Variants in RNLS observed in about 807,000 individuals in gnomAD.
RNLS encodes the protein renalase, FAD dependent amine oxidase, also known as renalase.
RNLS carries 39 observed loss-of-function variants against 39.8 expected under a neutral mutation model. That is an observed-to-expected ratio of 0.98 (90% CI 0.76 to 1.28). The LOEUF is 1.28. RNLS is among the 50% of genes most tolerant of loss of function. RNLS has a pLI of 0.00. For missense variants in RNLS, 410 were observed against 413.3 expected (o/e 0.99, Z 0.07); for synonymous variants, 147 against 150.7 (o/e 0.98, Z 0.18).
chr10:88,236,231 C>T, the RNLS span, among the ~76,000 whole-genome samples: 1 of 152,186 alleles, frequency 6.6e-6, no homozygotes, highest in African/African-American at 2.4e-5. Flanking sequence ...GAGGTGGAGG[C>T]TTTGGCAGCC....
At chr10:88,485,981 T>C (rs1039099178) in intron 4 of RNLS, among the ~76,000 whole-genome samples, 2 of 151,988 alleles carry the variant, frequency 1.3e-5, no homozygotes, top group Admixed American at 1.3e-4. Flanking sequence ...TTGAACATCT[T>C]CAAAATTAAA....
chr10:88,237,737 A>AGC, the RNLS span, among the ~76,000 whole-genome samples: 2 of 152,206 alleles, frequency 1.3e-5, no homozygotes, highest in Non-Finnish European at 2.9e-5. Context: ...CCTATCAATG[A>AGC]ACAAATCTAT....
intron 4 of RNLS, among the ~76,000 whole-genome samples, chr10:88,472,179 CAGGGCTGGGAAG>C (rs889071571): frequency 6.6e-6 from 1 of 152,074 alleles, no homozygotes; most frequent in African/African-American, 2.4e-5. Context: ...CCTTCCTGCC[CAGGGCTGGGAAG>C]GGGATGGCAT....
At chr10:88,347,396 C>A (rs1422106312) in intron 5 of RNLS, among the ~76,000 whole-genome samples, 2 of 152,120 alleles carry the variant, frequency 1.3e-5, no homozygotes, top group Non-Finnish European at 1.5e-5. Flanking sequence ...ATTATGGAAA[C>A]AGCAAGCTGA....
chr10:88,297,839 G>T (rs576538487), intron 6 of RNLS, among the ~76,000 whole-genome samples: 13 of 152,192 alleles, frequency 8.5e-5, no homozygotes, highest in African/African-American at 3.1e-4. Context: ...CATTTCTTTT[G>T]ATTATACATC....
intron 4 of RNLS, among the ~76,000 whole-genome samples, chr10:88,370,045 G>T (rs768594878): frequency 3.3e-5 from 5 of 152,086 alleles, no homozygotes; most frequent in Non-Finnish European, 7.4e-5. Flanking sequence ...CTGGGACCCT[G>T]ACTGAAACAA....
At chr10:88,209,123 T>C in the RNLS span, among the ~76,000 whole-genome samples, 2 of 152,136 alleles carry the variant, frequency 1.3e-5, no homozygotes, top group East Asian at 3.9e-4. Context: ...TTATAAAACC[T>C]GCATTGGATT....
chr10:88,348,886 G>A (rs186709203), intron 5 of RNLS, among the ~76,000 whole-genome samples: 93 of 152,228 alleles, frequency 6.1e-4, no homozygotes, highest in Non-Finnish European at 1.1e-3. Context: ...TCATGAGTGT[G>A]AGTTAGCATT....
intron 4 of RNLS, among the ~76,000 whole-genome samples, chr10:88,464,206 C>T (rs972094612): frequency 6.6e-6 from 1 of 152,044 alleles, no homozygotes; most frequent in Admixed American, 6.6e-5. Flanking sequence ...TGAAAAAGAG[C>T]TCAGCAGAAA....
chr10:88,284,255 T>G lies in RNLS; in HGVS notation c.*1099A>C. On this transcript the variant is annotated 3_prime_UTR_variant, in exon 7 of 7. Coordinates refer to ENST00000331772, the MANE Select transcript of RNLS (RefSeq NM_001031709.3). ...CAGTGGACATGTAAGTGTGAAACTT[T>G]AAACACTATTACAGTAAGAAGTCTT... The G allele has an allele frequency of 1.0e-6, 1 of 985,412 alleles. No homozygotes were observed. Among genetic ancestry groups the G allele is most frequent in the Non-Finnish European group, 1.2e-6 (1 of 829,906 alleles). 61.0% of individuals were successfully genotyped at this position (985,412 alleles called of 1,614,324 possible).
At chr10:88,264,838 AATTG>A in the RNLS span, among the ~76,000 whole-genome samples, 2 of 152,192 alleles carry the variant, frequency 1.3e-5, no homozygotes, top group African/African-American at 4.8e-5. Context: ...TTACCAGTTT[AATTG>A]AGTTCCATCT....
chr10:88,576,654 G>A (rs1241227919), intron 3 of RNLS, among the ~76,000 whole-genome samples: 2 of 152,164 alleles, frequency 1.3e-5, no homozygotes, highest in African/African-American at 4.8e-5. Flanking sequence ...AGGATCACCT[G>A]CTGGGAGAAA....
chr10:88,400,688 T>C (rs1283697905), intron 4 of RNLS, among the ~76,000 whole-genome samples: 1 of 151,988 alleles, frequency 6.6e-6, no homozygotes, highest in African/African-American at 2.4e-5. Flanking sequence ...ATAAAATACA[T>C]GTATCTTGAA....
chr10:88,188,691 T>C, the RNLS span, among the ~76,000 whole-genome samples: 1 of 152,212 alleles, frequency 6.6e-6, no homozygotes, highest in Non-Finnish European at 1.5e-5. Context: ...TTACTTAGCT[T>C]TTTTAAAAAG....
At chr10:88,304,783 A>T (rs114080758) in intron 6 of RNLS, among the ~76,000 whole-genome samples, 1 of 152,230 alleles carries the variant, frequency 6.6e-6, no homozygotes, top group Non-Finnish European at 1.5e-5. Flanking sequence ...GACATTGTCC[A>T]TGAGAGCCTC....
intron 4 of RNLS, among the ~76,000 whole-genome samples, chr10:88,486,123 G>A (rs968565286): frequency 6.6e-6 from 1 of 152,016 alleles, no homozygotes; most frequent in African/African-American, 2.4e-5. Flanking sequence ...AATGGGGAAA[G>A]GACTCCCTAT....
intron 4 of RNLS, among the ~76,000 whole-genome samples, chr10:88,464,652 T>C (rs1389641294): frequency 1.3e-5 from 2 of 152,086 alleles, no homozygotes; most frequent in Non-Finnish European, 2.9e-5. Context: ...TTACAAATTA[T>C]GAGGTTCTGA....
At chr10:88,490,802 A>G (rs1844830410) in intron 4 of RNLS, among the ~76,000 whole-genome samples, 1 of 152,194 alleles carries the variant, frequency 6.6e-6, no homozygotes, top group Non-Finnish European at 1.5e-5. Flanking sequence ...GAGTTGTGAC[A>G]TACTGAAACC....
At chr10:88,565,887 C>T (rs1849469176) in intron 4 of RNLS, among the ~76,000 whole-genome samples, 1 of 150,932 alleles carries the variant, frequency 6.6e-6, no homozygotes, top group Admixed American at 6.6e-5. Context: ...GTAGCTGGGA[C>T]TACAGGCGCA....
Sources: allele counts gnomAD v4.1 joint callset (sites outside exome capture counted in the v4.1 genomes callset), GRCh38; gene constraint gnomAD v4.1.1; transcripts MANE v1.5; gene names NCBI Gene and HGNC (gene_info 2026-07-23, HGNC 2026-07-21).